Variants in DGKZ observed in about 807,000 individuals in gnomAD.
The protein encoded by DGKZ is diacylglycerol kinase zeta.
Under a neutral mutation model 142.5 loss-of-function variants are expected in DGKZ, and 45 were observed. That is an observed-to-expected ratio of 0.32 (90% CI 0.25 to 0.40). DGKZ has a LOEUF of 0.40. Ranked by LOEUF, DGKZ falls within the 10% of genes least tolerant of loss-of-function variation. The probability of loss-of-function intolerance (pLI) is 1.00; values close to 1 mark genes in which losing one functional copy is unlikely to be tolerated. For synonymous variants in DGKZ, 442 were observed against 527.0 expected (o/e 0.84, Z 2.21); for missense variants, 755 against 1,306.5 (o/e 0.58, Z 6.51).
intron 1 of DGKZ, among the ~76,000 whole-genome samples, chr11:46,335,816 C>A (rs1323504549): frequency 1.3e-5 from 2 of 152,190 alleles, no homozygotes; most frequent in African/African-American, 2.4e-5. Context: ...CAGGGGACCC[C>A]AGGGGAACAA....
exon 31 of DGKZ, chr11:46,380,043 G>C (rs1215144905): frequency 1.1e-5 from 14 of 1,237,222 alleles, no homozygotes; most frequent in Admixed American, 2.3e-5. Context: ...ACGGCCACGG[G>C]GGGACCTAGG....
upstream of DGKZ, chr11:46,345,349 C>T (rs950481478): frequency 4.3e-6 from 6 of 1,391,432 alleles, no homozygotes; most frequent in Middle Eastern, 2.6e-4. This position sits in a 1 kb window ranked among gnomAD's most constrained non-coding sequence, Gnocchi z 4.1. Context: ...TCTAGCAGGC[C>T]CCCCCCTCGA....
chr11:46,345,550 C>A (rs1410040858), upstream of DGKZ: 3 of 1,527,162 alleles, frequency 2.0e-6, no homozygotes, highest in African/African-American at 1.4e-5. This position sits in a 1 kb window ranked among gnomAD's most constrained non-coding sequence, Gnocchi z 4.1. Context: ...GCTCCTGGGA[C>A]GTGCCACAGA....
intron 19 of DGKZ, 57 bp from the exon 20 acceptor site, chr11:46,375,375 G>T: frequency 6.6e-7 from 1 of 1,507,214 alleles, no homozygotes. Flanking sequence ...AGCAGAGTCT[G>T]GGACCCCCCT....
At chr11:46,361,348 G>T (rs2136440247) in intron 1 of DGKZ, among the ~76,000 whole-genome samples, 1 of 152,312 alleles carries the variant, frequency 6.6e-6, no homozygotes, top group South Asian at 2.1e-4. Flanking sequence ...GCTGTACTGG[G>T]TGCCAGGTGG....
rs753619840 is a variant in DGKZ at position 46,379,204 on chromosome 11, C to G, written c.2541C>G (p.Ala847=). ...TGACCACCACCTCCCCTTCTCCAGCCCCCCCAGAGATCCTTGATGCGGTGG... is the reference window on the plus strand; with the variant it reads ...TGACCACCACCTCCCCTTCTCCAGCGCCCCCAGAGATCCTTGATGCGGTGG... The change falls in exon 29 of 31, where the codon GCC becomes GCG. Residue 847 remains alanine (A), a splice_region_variant and synonymous_variant. Transcript: ENST00000527911. 7.4e-6 allele frequency: 12 copies of G among 1,612,940 alleles called. No individual in the cohort carries two copies. In the African/African-American group the frequency reaches 1.2e-4, roughly 16 times the overall value.
chr11:46,379,736 A>G (rs899600490), intron 30 of DGKZ, 95 bp from the exon 31 acceptor site: 1 of 1,345,302 alleles, frequency 7.4e-7, no homozygotes, highest in Admixed American at 2.5e-5. Flanking sequence ...TCCCTCCCTG[A>G]CCAGGCCACA....
chr11:46,373,177 G>A, intron 14 of DGKZ, 76 bp downstream of exon 14: 1 of 1,463,818 alleles, frequency 6.8e-7, no homozygotes. Flanking sequence ...TGCTGGTTCT[G>A]GGACCTCGGG....
intron 1 of DGKZ, among the ~76,000 whole-genome samples, chr11:46,348,482 G>A (rs576706269): frequency 6.6e-6 from 1 of 152,294 alleles, no homozygotes; most frequent in South Asian, 2.1e-4. Flanking sequence ...CCTCTGCTAG[G>A]CAGGCAGCAT....
chr11:46,361,480 C>G (rs2136440701), intron 1 of DGKZ: 1 of 292,874 alleles, frequency 3.4e-6, no homozygotes, highest in South Asian at 1.3e-4. Flanking sequence ...GGGCCTGGAG[C>G]CGCTGCTGGG....
At chr11:46,368,734 G>A in intron 4 of DGKZ, 1 of 179,872 alleles carries the variant, frequency 5.6e-6, no homozygotes, top group Non-Finnish European at 1.2e-5. Context: ...AGTAGGGACA[G>A]TTATGAGAAG....
chr11:46,374,140 C>T lies in DGKZ; in HGVS notation c.1327-17C>T. ...GTGAGGCCCAGCCCTCATTTTGGTC[C>T]CTTGACCTTTTTCCAGTTGCCCCTG... is the stretch of plus-strand genomic sequence containing the variant. On this transcript the variant is annotated splice_polypyrimidine_tract_variant and intron_variant, in intron 14 of 30. Coordinates refer to ENST00000527911, the Ensembl canonical transcript of DGKZ. The T allele has an allele frequency of 2.5e-6, 4 of 1,614,114 alleles. No homozygotes were observed. The highest frequency in any genetic ancestry group is 2.2e-5 in the East Asian group (1 of 44,886).
At chr11:46,370,116 G>A (rs1404948736) in intron 6 of DGKZ, 107 bp downstream of exon 6, 1 of 1,401,518 alleles carries the variant, frequency 7.1e-7, no homozygotes, top group Non-Finnish European at 1.0e-6. Context: ...GGTGTGCAGA[G>A]TCCGGGGCTG....
At position 46,374,675 on chromosome 11, in the gene DGKZ, G is replaced by C; in HGVS notation, c.1524+9G>C. On this transcript the variant is annotated intron_variant, in intron 17 of 30. Transcript: ENST00000527911. ...AGCACATCCGAGTGGTGGTGAGCGG[G>C]GCCAGGCTGCCGTGGGTGGGTGGGC... is the stretch of plus-strand genomic sequence containing the variant. 6.2e-7 allele frequency: 1 copy of C among 1,600,992 alleles called. No homozygotes were observed. Among genetic ancestry groups the C allele is most frequent in the Non-Finnish European group, 8.5e-7 (1 of 1,172,868 alleles).
rs771257418 is a variant in DGKZ, at chr11:46,372,101, C to T, written c.858C>T (p.Ile286=). 7 of 1,611,422 alleles carry T rather than the reference C, an allele frequency of 4.3e-6. No homozygotes were observed. The highest frequency in any genetic ancestry group is 5.1e-6 in the Non-Finnish European group (6 of 1,179,202). ...AGGGCCGCTGGAGACCCTTCATCATCAGGCCCACCCCCTCCCCGCTCATGA... is the reference window on the plus strand; with the variant it reads ...AGGGCCGCTGGAGACCCTTCATCATTAGGCCCACCCCCTCCCCGCTCATGA... The change falls in exon 10 of 31, where the codon ATC becomes ATT. Residue 286 remains isoleucine (I), a synonymous_variant. Transcript: ENST00000527911. The surrounding 1 kb of genome is among the most constrained non-coding windows in gnomAD (Gnocchi z 5.9).
rs1410834806 is a variant in DGKZ at position 46,366,890 on chromosome 11, A to C, written c.162-401A>C. 2.6e-6 allele frequency: 4 copies of C among 1,549,348 alleles called. No homozygotes were observed. The African/African-American group carries it at 5.4e-5, about 21-fold the overall frequency. ...AGCCTCAGGCACCACCGCCGGCACC[A>C]TGCTGCCCACCCGTGTGCGCCCACT... On this transcript the variant is annotated intron_variant, in intron 1 of 30. Coordinates refer to ENST00000527911, the Ensembl canonical transcript of DGKZ.
intron 1 of DGKZ, among the ~76,000 whole-genome samples, chr11:46,354,831 C>G (rs1420142254): frequency 6.6e-6 from 1 of 152,216 alleles, no homozygotes; most frequent in African/African-American, 2.4e-5. Flanking sequence ...GTTTTTCCCT[C>G]AATATTGTTT....
intron 1 of DGKZ, among the ~76,000 whole-genome samples, chr11:46,352,691 G>A (rs552885651): frequency 6.6e-5 from 10 of 152,322 alleles, no homozygotes; most frequent in East Asian, 3.9e-4. Context: ...AGTCAGCTGC[G>A]GGGGCAGTGT....
chr11:46,364,869 A>G, intron 1 of DGKZ: 4 of 985,438 alleles, frequency 4.1e-6, no homozygotes, highest in Non-Finnish European at 3.6e-6. Flanking sequence ...GCACTGTCCC[A>G]GGGCTGTGAC....
Sources: allele counts gnomAD v4.1 joint callset (sites outside exome capture counted in the v4.1 genomes callset), GRCh38; gene constraint gnomAD v4.1.1; non-coding constraint Gnocchi (gnomAD v3.1); transcripts MANE v1.5; gene names NCBI Gene and HGNC (gene_info 2026-07-23, HGNC 2026-07-21).